MS4A13: variants seen among roughly 807,000 people sequenced by gnomAD.
The protein encoded by MS4A13 is membrane-spanning 4-domains subfamily A member 13.
MS4A13 carries 21 observed loss-of-function variants against 18.4 expected under a neutral mutation model. The ratio of observed to expected loss-of-function variants is 1.14; its 90% CI spans 0.81 to 1.64. MS4A13 has a LOEUF of 1.64. Ranked by LOEUF, MS4A13 falls within the 40% of genes most tolerant of loss-of-function variation. The pLI, the probability that MS4A13 is intolerant of heterozygous loss-of-function variation, is 0.00. For missense variants in MS4A13, 173 were observed against 176.8 expected (o/e 0.98, Z 0.12); for synonymous variants, 62 against 57.2 (o/e 1.08, Z -0.38).
chr11:60,542,883 A>G (rs2086872734), downstream of MS4A13, among the ~76,000 whole-genome samples: 3 of 152,164 alleles, frequency 2.0e-5, no homozygotes, highest in Admixed American at 2.0e-4. Flanking sequence ...TATTATCTCT[A>G]GAGTGAAGGC....
In MS4A13 at chr11:60,527,406, C is replaced by CTGAG. The variant is rs1408422219; in HGVS notation, c.307-1958_307-1957insGAGT. ...TCTCTCTCTCTCTCTCTCTCTCTCT[C>CTGAG]TCTCTGTGTGTGTGTGTGTGTGTGT... On this transcript the variant is annotated intron_variant, in intron 5 of 6. Transcript: ENST00000378186. 3.0e-4 allele frequency among the ~76,000 whole-genome samples: 14 copies of CTGAG among 46,108 alleles called. 1 individual carries two copies. The highest frequency in any genetic ancestry group is 1.6e-4 in the Non-Finnish European group (4 of 25,424). 30.2% of individuals were successfully genotyped at this position (46,108 alleles called of 152,430 possible).
At chr11:60,519,678 A>C (rs2086660711) in intron 3 of MS4A13, among the ~76,000 whole-genome samples, 1 of 152,250 alleles carries the variant, frequency 6.6e-6, no homozygotes, top group African/African-American at 2.4e-5. Flanking sequence ...GCAACCATGC[A>C]GTAGGATAAA....
At chr11:60,527,410 C>CTCTCTCTCTCTGTGTGTGTG (rs1555024373) in intron 5 of MS4A13, among the ~76,000 whole-genome samples, 2 of 28,788 alleles carry the variant, frequency 6.9e-5, no homozygotes, top group African/African-American at 3.2e-4. Flanking sequence ...CTCTCTCTCT[C>CTCTCTCTCTCTGTGTGTGTG]TGTGTGTGTG....
chr11:60,542,009 G>A (rs1724539432), intron 6 of MS4A13, among the ~76,000 whole-genome samples: 1 of 151,788 alleles, frequency 6.6e-6, no homozygotes, highest in Admixed American at 6.6e-5. Flanking sequence ...GCTGGGGCAT[G>A]AGAATCTCTT....
chr11:60,525,072 C>A, intron 4 of MS4A13, 135 bp from the exon 5 acceptor site: 1 of 573,604 alleles, frequency 1.7e-6, no homozygotes, highest in Non-Finnish European at 3.0e-6. Flanking sequence ...AAAATATTTT[C>A]TTAATATTTA....
At chr11:60,527,731 G>A (rs1291632292) in intron 5 of MS4A13, among the ~76,000 whole-genome samples, 1 of 151,986 alleles carries the variant, frequency 6.6e-6, no homozygotes, top group Non-Finnish European at 1.5e-5. Flanking sequence ...AGCTACTCCG[G>A]AGGCTAAGGC....
chr11:60,541,978 GT>G (rs1248532035), intron 6 of MS4A13, among the ~76,000 whole-genome samples: 1 of 152,006 alleles, frequency 6.6e-6, no homozygotes, highest in East Asian at 1.9e-4. Context: ...GCACAGGCCT[GT>G]AATCCTAACT....
chr11:60,525,189 C>T lies in MS4A13; in HGVS notation c.187-18C>T, dbSNP rs749032681. On this transcript the variant is annotated intron_variant, in intron 4 of 6. Transcript: ENST00000378186. Reference sequence around the variant, plus strand: ...TTTATTCTGAATATAATAAATTTGCCCTCTGTCTCCTTTTCAGATTATAAG... The same window carrying T: ...TTTATTCTGAATATAATAAATTTGCTCTCTGTCTCCTTTTCAGATTATAAG... The T allele has an allele frequency of 9.1e-6, 14 of 1,539,648 alleles. No homozygotes were observed. Among genetic ancestry groups the T allele is most frequent in the Middle Eastern group, 1.9e-4 (1 of 5,316 alleles).
In MS4A13 at chr11:60,515,950, GC is replaced by G. The variant is rs1382136790; in HGVS notation, c.-128-18del. ...TCTTCTAAGAAAATAATGTATATGT[GC>G]TTTGTACTGTTTTGTAGAAGTTTGC... is the stretch of plus-strand genomic sequence containing the variant. On this transcript the variant is annotated intron_variant, in intron 1 of 6. Transcript: ENST00000378186. 1 of 152,142 alleles carries G rather than the reference GC, an allele frequency of 6.6e-6. No individual in the cohort carries two copies. The highest frequency in any genetic ancestry group is 1.5e-5 in the Non-Finnish European group (1 of 68,008). The allele number at this position is 152,142 out of a possible 1,614,324, so 9.4% of individuals were successfully genotyped here. A position where few individuals can be genotyped will look rare whatever the true frequency, so the allele number is the denominator to read the frequency against.
rs1242223056 is a variant in MS4A13 at position 60,518,161 on chromosome 11, A to T, written c.78A>T (p.Gly26=). 1 of 1,612,350 alleles carries T rather than the reference A, an allele frequency of 6.2e-7. No individual in the cohort carries two copies. The highest frequency in any genetic ancestry group is 8.5e-7 in the Non-Finnish European group (1 of 1,178,844). Residue 26 remains glycine (G), a synonymous_variant, in exon 3 of 7, where the codon GGA becomes GGT. Coordinates refer to ENST00000378186, the MANE Select transcript of MS4A13 (RefSeq NM_001012417.3). ...LYMGQIKGAF[G]TYEPVTYKTG... ...TGGGACAAATTAAAGGAGCCTTTGG[A>T]ACGTATGAACCTGTAACTTACAAAA...
intron 3 of MS4A13, among the ~76,000 whole-genome samples, chr11:60,519,958 TACA>T (rs2086662727): frequency 6.6e-6 from 1 of 152,150 alleles, no homozygotes; most frequent in African/African-American, 2.4e-5. Flanking sequence ...ATTTGAAAGG[TACA>T]ACAAGGACAA....
At chr11:60,523,449 C>T (rs75325817) in intron 3 of MS4A13, among the ~76,000 whole-genome samples, 1 of 152,206 alleles carries the variant, frequency 6.6e-6, no homozygotes, top group South Asian at 2.1e-4. Context: ...AAAGAGACTG[C>T]ATATTTTGTA....
intron 6 of MS4A13, among the ~76,000 whole-genome samples, chr11:60,538,295 C>G (rs2086826688): frequency 6.6e-6 from 1 of 150,872 alleles, no homozygotes; most frequent in Non-Finnish European, 1.5e-5. Flanking sequence ...AGGTGTTGAT[C>G]AAAGGCCATA....
intron 2 of MS4A13, among the ~76,000 whole-genome samples, chr11:60,516,644 T>C (rs1043754027): frequency 6.6e-6 from 1 of 152,212 alleles, no homozygotes; most frequent in Non-Finnish European, 1.5e-5. Flanking sequence ...TCCAGAATTA[T>C]GTACATGTCA....
At chr11:60,517,460 A>G (rs1332971877) in intron 2 of MS4A13, among the ~76,000 whole-genome samples, 1 of 152,184 alleles carries the variant, frequency 6.6e-6, no homozygotes, top group African/African-American at 2.4e-5. Flanking sequence ...AGAGTTGAGT[A>G]ATAATTCTCC....
chr11:60,522,784 T>C (rs4939392), intron 3 of MS4A13, among the ~76,000 whole-genome samples: 80,249 of 151,968 alleles, frequency 0.53, 21,848 homozygotes, highest in Middle Eastern at 0.61. Flanking sequence ...GGGTCACAAG[T>C]GTCAAAGCAC....
intron 1 of MS4A13, 118 bp from the exon 2 acceptor site, chr11:60,515,851 G>C (rs2086634086): frequency 6.6e-6 from 1 of 152,188 alleles, no homozygotes; most frequent in Non-Finnish European, 1.5e-5. Context: ...CTAGAAAGAA[G>C]AAAGAAGGCT....
At chr11:60,529,015 CATT>C (rs1398363405) in intron 5 of MS4A13, among the ~76,000 whole-genome samples, 1 of 152,136 alleles carries the variant, frequency 6.6e-6, no homozygotes, top group Non-Finnish European at 1.5e-5. Flanking sequence ...GCCATCTTAT[CATT>C]AGAGACAGGA....
At chr11:60,524,489 G>T (rs2086699224) in intron 4 of MS4A13, among the ~76,000 whole-genome samples, 1 of 152,068 alleles carries the variant, frequency 6.6e-6, no homozygotes, top group Non-Finnish European at 1.5e-5. Context: ...TGAAGATACT[G>T]ATAGATTTCC....
Sources: allele counts gnomAD v4.1 joint callset (sites outside exome capture counted in the v4.1 genomes callset), GRCh38; gene constraint gnomAD v4.1.1; transcripts MANE v1.5; gene names NCBI Gene and HGNC (gene_info 2026-07-23, HGNC 2026-07-21).